Variants in GJB7 observed in about 807,000 individuals in gnomAD.
GJB7 encodes the protein gap junction beta-7 protein.
For missense variants in GJB7, 253 were observed against 256.8 expected, an observed-to-expected ratio of 0.99 and a Z score of 0.10; for synonymous variants, 87 against 95.2, an observed-to-expected ratio of 0.91 and a Z score of 0.50.
intron 2 of GJB7, among the ~76,000 whole-genome samples, chr6:87,297,521 G>GA (rs761671036): frequency 2.2e-4 from 34 of 151,996 alleles, no homozygotes; most frequent in Non-Finnish European, 4.1e-4. Flanking sequence ...AAAGTAATCA[G>GA]AAAAAAGAAT....
At chr6:87,286,136 T>A (rs964535375) in intron 2 of GJB7, among the ~76,000 whole-genome samples, 6 of 152,128 alleles carry the variant, frequency 3.9e-5, no homozygotes, top group Non-Finnish European at 8.8e-5. Flanking sequence ...ATCTCACTCA[T>A]CCCCATGGAT....
chr6:87,328,403 T>A (rs1238654989), intron 1 of GJB7, among the ~76,000 whole-genome samples: 3 of 152,188 alleles, frequency 2.0e-5, no homozygotes, highest in East Asian at 1.9e-4. Context: ...TTTGTCTTTG[T>A]TGATGGTGAT....
chr6:87,304,317 A>G (rs1776385536), intron 2 of GJB7, among the ~76,000 whole-genome samples: 1 of 152,168 alleles, frequency 6.6e-6, no homozygotes, highest in Non-Finnish European at 1.5e-5. Flanking sequence ...GAATCAAATG[A>G]CGCAATATAA....
At position 87,283,665 on chromosome 6, in the gene GJB7, G is replaced by T. The variant is rs559150202; in HGVS notation, c.*576C>A. ...CACAGTTTTTCCCTGCAGAGATTGA[G>T]TAGGACAGGGAGTGGGGCCTTGGCT... On this transcript the variant is annotated 3_prime_UTR_variant, in exon 3 of 3. Transcript: ENST00000525899. The T allele has an allele frequency of 6.5e-6, 1 of 152,794 alleles. No homozygotes were observed. The highest frequency in any genetic ancestry group is 6.5e-5 in the Admixed American group (1 of 15,326). 9.5% of individuals were successfully genotyped at this position (152,794 alleles called of 1,614,324 possible). A position where few individuals can be genotyped will look rare whatever the true frequency, so the allele number is the denominator to read the frequency against.
intron 2 of GJB7, among the ~76,000 whole-genome samples, chr6:87,304,891 A>C (rs1472918279): frequency 6.6e-6 from 1 of 152,238 alleles, no homozygotes; most frequent in East Asian, 1.9e-4. Flanking sequence ...CAATGAACGT[A>C]ATCCAGCATA....
chr6:87,312,459 C>T (rs1440347237), intron 2 of GJB7, among the ~76,000 whole-genome samples: 3 of 146,844 alleles, frequency 2.0e-5, no homozygotes, highest in South Asian at 2.2e-4. Context: ...TGCAGTGAGC[C>T]GAGATGACAC....
chr6:87,306,198 G>T (rs1419958737), intron 2 of GJB7, among the ~76,000 whole-genome samples: 1 of 152,072 alleles, frequency 6.6e-6, no homozygotes, highest in Non-Finnish European at 1.5e-5. Context: ...AAACTAAAGA[G>T]CTTCTGCACA....
In GJB7 at chr6:87,284,288, A is replaced by G. The variant is rs1776018711; in HGVS notation, c.625T>C (p.Cys209Arg). 6.2e-7 allele frequency: 1 copy of G among 1,614,034 alleles called. No homozygotes were observed. The change falls in exon 3 of 3, where the codon TGC (cysteine) becomes CGC (arginine). Residue 209 changes from cysteine (C) to arginine (R), a missense_variant. By Grantham distance (180) the Cys-to-Arg change is radical. Transcript: ENST00000525899. ...TTTTTTAAATATTTTTGGAGACAGCACTTAATAAAGCACTTGAGAACCAAA... is the reference window on the plus strand; with the variant it reads ...TTTTTTAAATATTTTTGGAGACAGCGCTTAATAAAGCACTTGAGAACCAAA... ...SFLVLKCFIK[C>R]CLQKYLKKPQ...
In GJB7 at chr6:87,284,908, C is replaced by T. The variant is rs758229112; in HGVS notation, c.5G>A (p.Ser2Asn). The T allele has an allele frequency of 2.9e-5, 46 of 1,608,738 alleles. No homozygotes were observed. The highest frequency in any genetic ancestry group is 3.7e-5 in the Non-Finnish European group (43 of 1,175,968). M[S>N]WMFLRDLLSG... is the part of the protein sequence containing the mutation. ...CAGGAGATCTCTGAGGAACATCCAA[C>T]TCATGACTTAGGCTCAAAAGAAGGC... is the stretch of plus-strand genomic sequence containing the variant. The change falls in exon 3 of 3, where the codon AGT becomes AAT. Residue 2 changes from serine to asparagine, a missense_variant. By Grantham distance (46) the Ser-to-Asn change is conservative. Coordinates refer to ENST00000525899, the MANE Select transcript of GJB7 (RefSeq NM_198568.3).
chr6:87,302,611 A>G (rs1776350803), intron 2 of GJB7, among the ~76,000 whole-genome samples: 1 of 152,250 alleles, frequency 6.6e-6, no homozygotes, highest in African/African-American at 2.4e-5. Context: ...TCTGCAGGAT[A>G]TTATGCAGGA....
At chr6:87,327,928 A>G (rs1433072154) in intron 1 of GJB7, among the ~76,000 whole-genome samples, 3 of 149,876 alleles carry the variant, frequency 2.0e-5, no homozygotes, top group Non-Finnish European at 4.4e-5. Flanking sequence ...ACATAGTCCC[A>G]TATTTCTTGG....
At chr6:87,289,118 A>G (rs1417829516) in intron 2 of GJB7, among the ~76,000 whole-genome samples, 1 of 152,030 alleles carries the variant, frequency 6.6e-6, no homozygotes, top group Non-Finnish European at 1.5e-5. Flanking sequence ...TGGATTCCAG[A>G]CATGCTTTCC....
intron 2 of GJB7, among the ~76,000 whole-genome samples, chr6:87,310,455 T>A (rs532345782): frequency 6.6e-6 from 1 of 152,066 alleles, no homozygotes; most frequent in African/African-American, 2.4e-5. Context: ...GAAAACTATA[T>A]CCAGCACCTA....
rs547717200 is a variant in GJB7, at chr6:87,318,415, T to C, written c.-28+4451A>G. Among the ~76,000 whole-genome samples the C allele has an allele frequency of 2.0e-5, 3 of 152,274 alleles. No individual in the cohort carries two copies. The South Asian group carries it at 6.2e-4, about 32-fold the overall frequency. The stretch of plus-strand genomic sequence containing the variant: ...GCAAACAAAAATACACATATTTAAG[T>C]TCATGAATCTGCAGAGTTCAGCTGA... On this transcript the variant is annotated intron_variant, in intron 2 of 2. Transcript: ENST00000525899.
intron 2 of GJB7, among the ~76,000 whole-genome samples, chr6:87,321,469 T>C (rs1776659747): frequency 6.6e-6 from 1 of 152,164 alleles, no homozygotes; most frequent in South Asian, 2.1e-4. Flanking sequence ...GTTTTAATGT[T>C]AATGCTGGTC....
At chr6:87,292,615 T>C (rs1272018779) in intron 2 of GJB7, among the ~76,000 whole-genome samples, 1 of 152,230 alleles carries the variant, frequency 6.6e-6, no homozygotes, top group African/African-American at 2.4e-5. Flanking sequence ...TTTATCCTTT[T>C]ATGGAACCAT....
At chr6:87,322,206 T>C (rs568576050) in intron 2 of GJB7, 1 of 152,328 alleles carries the variant, frequency 6.6e-6, no homozygotes, top group South Asian at 2.1e-4. Flanking sequence ...TAAATGACTG[T>C]TCCCCTAAAG....
intron 2 of GJB7, among the ~76,000 whole-genome samples, chr6:87,320,508 G>A (rs1228613917): frequency 1.3e-5 from 2 of 152,184 alleles, no homozygotes; most frequent in African/African-American, 4.8e-5. Context: ...TCAATTTAGA[G>A]GTTTATTTCA....
chr6:87,326,656 T>C (rs1421742460), intron 1 of GJB7, among the ~76,000 whole-genome samples: 2 of 139,780 alleles, frequency 1.4e-5, no homozygotes, highest in East Asian at 2.0e-4. Context: ...TTCTGTTCTT[T>C]TACATTTGCT....
Sources: gnomAD v4.1 joint callset for allele counts (sites outside exome capture counted in the v4.1 genomes callset) on GRCh38, gnomAD v4.1.1 for gene constraint, MANE v1.5 for transcripts, NCBI Gene and HGNC (gene_info 2026-07-23, HGNC 2026-07-21) for gene names.